Variants in LRRC4C observed in about 807,000 individuals in gnomAD.
The protein encoded by LRRC4C is leucine-rich repeat-containing protein 4C.
A neutral mutation model predicts 33.6 loss-of-function variants in LRRC4C; 5 were observed. The ratio of observed to expected loss-of-function variants is 0.15; its 90% CI spans 0.08 to 0.31. The LOEUF is 0.31. Among genes scored for constraint, LRRC4C ranks in the 10% least tolerant of loss-of-function variants. LRRC4C has a pLI of 1.00. For missense variants in LRRC4C, 560 were observed against 796.7 expected, an observed-to-expected ratio of 0.70 and a Z score of 3.58; for synonymous variants, 329 against 302.0, an observed-to-expected ratio of 1.09 and a Z score of -0.93.
chr11:40,655,145 T>C (rs982516062), intron 2 of LRRC4C, among the ~76,000 whole-genome samples: 1 of 152,222 alleles, frequency 6.6e-6, no homozygotes, highest in African/African-American at 2.4e-5. Flanking sequence ...TTCAACTTCA[T>C]TTACCTAGTT....
chr11:40,229,945 A>T (rs1284276126), intron 5 of LRRC4C, among the ~76,000 whole-genome samples: 1 of 152,166 alleles, frequency 6.6e-6, no homozygotes, highest in Non-Finnish European at 1.5e-5. Context: ...TATTATCGTG[A>T]TGTTTGTGAT....
chr11:41,069,626 C>T (rs1479016886), intron 1 of LRRC4C, among the ~76,000 whole-genome samples: 2 of 151,870 alleles, frequency 1.3e-5, no homozygotes, highest in East Asian at 3.9e-4. Flanking sequence ...ACCAACAATA[C>T]ACAAGCAGAG....
chr11:40,924,975 T>A (rs2136399919), intron 2 of LRRC4C, among the ~76,000 whole-genome samples: 1 of 152,280 alleles, frequency 6.6e-6, no homozygotes, highest in South Asian at 2.1e-4. Flanking sequence ...GCAGAAAATT[T>A]GACTTTTTAT....
chr11:40,215,647 G>A (rs769485960), intron 5 of LRRC4C, among the ~76,000 whole-genome samples: 12 of 152,062 alleles, frequency 7.9e-5, no homozygotes, highest in Non-Finnish European at 1.0e-4. Flanking sequence ...AGAAACTGAC[G>A]TACAAAAACA....
chr11:40,720,647 A>G (rs1445397254), intron 2 of LRRC4C, among the ~76,000 whole-genome samples: 1 of 152,168 alleles, frequency 6.6e-6, no homozygotes, highest in Non-Finnish European at 1.5e-5. Flanking sequence ...TTTGTTCATG[A>G]TATTTGTTTA....
intron 1 of LRRC4C, among the ~76,000 whole-genome samples, chr11:41,182,746 A>C (rs1276254480): frequency 2.0e-5 from 3 of 152,116 alleles, no homozygotes; most frequent in Admixed American, 1.3e-4. Context: ...ATAACTTCAA[A>C]ATATACTTAA....
chr11:40,501,368 T>C (rs1443392220), intron 3 of LRRC4C, among the ~76,000 whole-genome samples: 1 of 151,932 alleles, frequency 6.6e-6, no homozygotes. Context: ...TGTGTGGGAG[T>C]CCCCTCCCTA....
intron 4 of LRRC4C, among the ~76,000 whole-genome samples, chr11:40,254,325 A>T (rs1017194903): frequency 1.3e-5 from 2 of 152,248 alleles, no homozygotes; most frequent in Admixed American, 6.5e-5. Flanking sequence ...AAAAGAGAGC[A>T]TGAGGGAACT....
chr11:40,773,492 G>A (rs1949849150), intron 2 of LRRC4C, among the ~76,000 whole-genome samples: 1 of 151,132 alleles, frequency 6.6e-6, no homozygotes. Context: ...CACCTACTAT[G>A]TACCCATAAA....
intron 1 of LRRC4C, among the ~76,000 whole-genome samples, chr11:40,956,187 G>A (rs550727992): frequency 3.3e-5 from 5 of 151,826 alleles, no homozygotes; most frequent in Middle Eastern, 3.4e-3. Context: ...TGTGCTGATC[G>A]GCTGTGAAAA....
chr11:40,924,531 T>C (rs1370543675), intron 2 of LRRC4C, among the ~76,000 whole-genome samples: 3 of 152,080 alleles, frequency 2.0e-5, no homozygotes, highest in Non-Finnish European at 4.4e-5. Context: ...GATTAGTTAA[T>C]GGTATTAATA....
intron 1 of LRRC4C, among the ~76,000 whole-genome samples, chr11:41,245,117 G>A (rs138322387): frequency 3.9e-5 from 6 of 152,096 alleles, no homozygotes; most frequent in Non-Finnish European, 8.8e-5. Context: ...TGTAAAATAA[G>A]AATAAAATTA....
intron 4 of LRRC4C, among the ~76,000 whole-genome samples, chr11:40,277,378 G>C (rs1413424209): frequency 6.6e-6 from 1 of 152,080 alleles, no homozygotes; most frequent in African/African-American, 2.4e-5. Context: ...ATCCAGAGTT[G>C]TGGCTGGGTA....
chr11:40,994,159 T>C (rs1853797071), intron 1 of LRRC4C, among the ~76,000 whole-genome samples: 1 of 152,084 alleles, frequency 6.6e-6, no homozygotes. Context: ...ACTTTGCATT[T>C]CAGAATTATG....
At chr11:41,019,255 G>A (rs1855797699) in intron 1 of LRRC4C, among the ~76,000 whole-genome samples, 2 of 152,084 alleles carry the variant, frequency 1.3e-5, no homozygotes, top group African/African-American at 4.8e-5. Flanking sequence ...TCACTTATGA[G>A]TGAGAACATG....
intron 2 of LRRC4C, among the ~76,000 whole-genome samples, chr11:40,706,355 A>C (rs1329814593): frequency 6.6e-6 from 1 of 152,194 alleles, no homozygotes; most frequent in Admixed American, 6.5e-5. Context: ...CTAACATTTA[A>C]GTCTTTAATC....
At chr11:40,426,034 G>C (rs1162187283) in intron 3 of LRRC4C, among the ~76,000 whole-genome samples, 2 of 132,570 alleles carry the variant, frequency 1.5e-5, no homozygotes, top group East Asian at 4.5e-4. Context: ...TTTTTTTTGA[G>C]ACAGAGTCTC....
chr11:40,525,373 G>C (rs1956001550), intron 3 of LRRC4C, among the ~76,000 whole-genome samples: 1 of 152,076 alleles, frequency 6.6e-6, no homozygotes, highest in African/African-American at 2.4e-5. Flanking sequence ...TTGAACCCAG[G>C]AGGCAGAGGT....
At chr11:40,777,404 T>C (rs1355419219) in intron 2 of LRRC4C, among the ~76,000 whole-genome samples, 2 of 151,758 alleles carry the variant, frequency 1.3e-5, no homozygotes, top group African/African-American at 4.8e-5. Flanking sequence ...CTTGGTGTTC[T>C]AATTTGGGGT....
Sources: allele counts gnomAD v4.1 joint callset (sites outside exome capture counted in the v4.1 genomes callset), GRCh38; gene constraint gnomAD v4.1.1; transcripts MANE v1.5; gene names NCBI Gene and HGNC (gene_info 2026-07-23, HGNC 2026-07-21).